The following USH2A variants were observed in gnomAD, a reference collection of about 807,000 sequenced individuals.
USH2A encodes the protein Usher syndrome 2A (autosomal recessive, mild).
A neutral mutation model predicts 538.9 loss-of-function variants in USH2A; 443 were observed. The ratio of observed to expected loss-of-function variants is 0.82; its 90% CI spans 0.76 to 0.89. The LOEUF is 0.89. Ranked by LOEUF, USH2A falls within the 40% of genes least tolerant of loss-of-function variation. USH2A has a pLI of 0.00. For synonymous variants in USH2A, 2,413 were observed against 2,273.5 expected, an observed-to-expected ratio of 1.06 and a Z score of -1.75; for missense variants, 6,633 against 6,324.8, an observed-to-expected ratio of 1.05 and a Z score of -1.65.
intron 21 of USH2A, among the ~76,000 whole-genome samples, chr1:216,149,084 T>TA (rs2033774402): frequency 6.6e-6 from 1 of 152,102 alleles, no homozygotes; most frequent in Admixed American, 6.5e-5. Context: ...TTCCTAGGCA[T>TA]GGTTAGCACG....
At chr1:216,232,438 T>C (rs548319319) in intron 13 of USH2A, among the ~76,000 whole-genome samples, 1 of 152,298 alleles carries the variant, frequency 6.6e-6, no homozygotes, top group East Asian at 1.9e-4. Flanking sequence ...TTCCAACAGA[T>C]ATTACCAGTC....
Position 216,196,583 on chromosome 1 carries a change from A to G in USH2A, c.4221T>C (p.Pro1407=), listed in dbSNP as rs770508454. 1 of 1,613,566 alleles carries G rather than the reference A, an allele frequency of 6.2e-7. No homozygotes were observed. The highest frequency in any genetic ancestry group is 8.5e-7 in the Non-Finnish European group (1 of 1,179,638). ...AAAACGCCATGGGAATAGACTGTTG[A>G]GGTGATTGTTCAGAAAGCATATTGA... ...YDINMLSEQS[P]QQSIPMAFSQ... is the part of the protein sequence containing the mutation. The change falls in exon 19 of 72, where the codon CCT becomes CCC. Residue 1407 remains proline, a synonymous_variant. Transcript: ENST00000307340.
At chr1:216,226,449 A>G (rs1471655453) in intron 14 of USH2A, among the ~76,000 whole-genome samples, 3 of 152,200 alleles carry the variant, frequency 2.0e-5, no homozygotes, top group African/African-American at 7.2e-5. Context: ...CAGCAAGTCT[A>G]TAATCAGAGA....
At chr1:216,180,324 A>C (rs1012921632) in intron 20 of USH2A, among the ~76,000 whole-genome samples, 2 of 152,114 alleles carry the variant, frequency 1.3e-5, no homozygotes, top group African/African-American at 4.8e-5. Flanking sequence ...CTATTTGAAT[A>C]AAAGTACAAA....
chr1:216,114,405 A>C (rs900865712), intron 21 of USH2A, among the ~76,000 whole-genome samples: 1 of 152,106 alleles, frequency 6.6e-6, no homozygotes, highest in Non-Finnish European at 1.5e-5. Flanking sequence ...GGTGATAAGC[A>C]TTATTCATTG....
chr1:215,973,874 T>C (rs1667554852), intron 35 of USH2A, among the ~76,000 whole-genome samples: 1 of 151,814 alleles, frequency 6.6e-6, no homozygotes, highest in African/African-American at 2.4e-5. Flanking sequence ...AAAAACTTTT[T>C]AGTATCCAGG....
chr1:216,075,499 T>C (rs1420404356), intron 27 of USH2A, among the ~76,000 whole-genome samples: 1 of 152,178 alleles, frequency 6.6e-6, no homozygotes, highest in East Asian at 1.9e-4. Flanking sequence ...GGCCTCTAAA[T>C]GCCTAAAAGG....
intron 37 of USH2A, among the ~76,000 whole-genome samples, chr1:215,936,334 CATT>C (rs1290318113): frequency 1.3e-5 from 2 of 151,968 alleles, no homozygotes; most frequent in African/African-American, 4.8e-5. Context: ...TTTACAAAAA[CATT>C]ATATTTTAAC....
chr1:216,313,682 G>A (rs745756976), intron 9 of USH2A, among the ~76,000 whole-genome samples: 10 of 151,942 alleles, frequency 6.6e-5, no homozygotes, highest in Non-Finnish European at 1.3e-4. Flanking sequence ...AAGTATTCTC[G>A]AAAAATTCTT....
chr1:216,014,254 G>GTGTAAAATGTATGAA (rs922016292), intron 32 of USH2A, among the ~76,000 whole-genome samples: 2 of 152,028 alleles, frequency 1.3e-5, no homozygotes, highest in African/African-American at 4.8e-5. Context: ...GAGTAGTCAT[G>GTGTAAAATGTATGAA]TGTAAAATGT....
At chr1:215,937,352 C>A (rs1459659842) in intron 37 of USH2A, among the ~76,000 whole-genome samples, 1 of 152,078 alleles carries the variant, frequency 6.6e-6, no homozygotes, top group African/African-American at 2.4e-5. Flanking sequence ...ACTAAAAAGA[C>A]ATTTCCAATT....
chr1:216,415,728 T>C (rs2039567179), intron 3 of USH2A, among the ~76,000 whole-genome samples: 1 of 152,128 alleles, frequency 6.6e-6, no homozygotes, highest in Non-Finnish European at 1.5e-5. Context: ...GGTTTTGCCA[T>C]GTTGCCCAGG....
intron 55 of USH2A, among the ~76,000 whole-genome samples, chr1:215,779,492 G>A (rs927702984): frequency 6.6e-6 from 1 of 152,018 alleles, no homozygotes; most frequent in African/African-American, 2.4e-5. Context: ...CTGCCTTCCA[G>A]TATATTCTTG....
intron 46 of USH2A, among the ~76,000 whole-genome samples, chr1:215,840,231 A>C (rs1291526242): frequency 9.2e-5 from 14 of 151,356 alleles, no homozygotes; most frequent in Non-Finnish European, 2.1e-4. Context: ...TTTAAAATCA[A>C]TAGCTATTTT....
chr1:215,696,018 G>C (rs1191198229), intron 61 of USH2A, among the ~76,000 whole-genome samples: 1 of 151,896 alleles, frequency 6.6e-6, no homozygotes, highest in African/African-American at 2.4e-5. Flanking sequence ...CAAAGTGCTG[G>C]GATTACAGGC....
At chr1:215,676,195 A>T (rs1337320107) in intron 62 of USH2A, among the ~76,000 whole-genome samples, 1 of 152,122 alleles carries the variant, frequency 6.6e-6, no homozygotes, top group East Asian at 1.9e-4. Flanking sequence ...ACATATATAC[A>T]TGTATATAAA....
intron 68 of USH2A, among the ~76,000 whole-genome samples, chr1:215,639,995 T>G (rs570721306): frequency 2.5e-4 from 38 of 152,298 alleles, no homozygotes; most frequent in South Asian, 2.3e-3. Context: ...GTAAAGCATT[T>G]TCTCATTTCA....
At chr1:216,280,216 C>T (rs2036747421) in intron 11 of USH2A, among the ~76,000 whole-genome samples, 1 of 151,774 alleles carries the variant, frequency 6.6e-6, no homozygotes, top group Admixed American at 6.6e-5. Context: ...TTCAAGCAAA[C>T]AAGAAGGAAG....
chr1:216,298,680 T>C (rs1254325514), intron 9 of USH2A, among the ~76,000 whole-genome samples: 1 of 152,206 alleles, frequency 6.6e-6, no homozygotes, highest in Non-Finnish European at 1.5e-5. Context: ...TCTCAAATTA[T>C]TATTTTTTAG....
Sources: allele counts gnomAD v4.1 joint callset (sites outside exome capture counted in the v4.1 genomes callset), GRCh38; gene constraint gnomAD v4.1.1; transcripts MANE v1.5; gene names NCBI Gene and HGNC (gene_info 2026-07-23, HGNC 2026-07-21).